TCF7L2: variants seen among roughly 807,000 people sequenced by gnomAD.
The protein encoded by TCF7L2 is transcription factor 7 like 2, also known as transcription factor 7-like 2.
A neutral mutation model predicts 77.9 loss-of-function variants in TCF7L2; 23 were observed. The observed-to-expected ratio is 0.30, with a 90% CI of 0.21 to 0.42. The LOEUF (loss-of-function observed/expected upper bound fraction) is 0.42. Ranked by LOEUF, TCF7L2 falls within the 10% of genes least tolerant of loss-of-function variation. The pLI is 1.00. For missense variants in TCF7L2, 654 were observed against 793.1 expected, an observed-to-expected ratio of 0.82 and a Z score of 2.11; for synonymous variants, 413 against 340.2, an observed-to-expected ratio of 1.21 and a Z score of -2.36.
chr10:112,979,222 T>G (rs966010533), intron 4 of TCF7L2, among the ~76,000 whole-genome samples: 2 of 152,144 alleles, frequency 1.3e-5, no homozygotes, highest in Non-Finnish European at 1.5e-5. Context: ...GCCAAGACAT[T>G]CATGGTTGTG....
At chr10:113,103,455 T>C (rs1268996079) in intron 5 of TCF7L2, among the ~76,000 whole-genome samples, 2 of 152,186 alleles carry the variant, frequency 1.3e-5, no homozygotes, top group Non-Finnish European at 2.9e-5. Context: ...AAAAATTGCT[T>C]GGATCCCGCG....
At chr10:113,045,628 A>G (rs1000006717) in intron 5 of TCF7L2, among the ~76,000 whole-genome samples, 11 of 152,088 alleles carry the variant, frequency 7.2e-5, no homozygotes, top group African/African-American at 2.4e-4. Context: ...GACTGCTGCA[A>G]AGGGCTCATT....
intron 5 of TCF7L2, among the ~76,000 whole-genome samples, chr10:113,075,545 T>C (rs2058601536): frequency 1.3e-5 from 2 of 152,162 alleles, no homozygotes; most frequent in South Asian, 4.1e-4. Flanking sequence ...ATGTTGCCAA[T>C]TACTTTATGT....
At chr10:113,006,798 A>G (rs1368449467) in intron 4 of TCF7L2, among the ~76,000 whole-genome samples, 1 of 152,188 alleles carries the variant, frequency 6.6e-6, no homozygotes, top group African/African-American at 2.4e-5. Flanking sequence ...CTGTGGGGCA[A>G]AGCCCAGGAC....
At position 113,151,526 on chromosome 10, in the gene TCF7L2, CA is replaced by C. The variant is rs1164673895; in HGVS notation, c.1002-195del. ...TTTGTGAAACTTGAGGAAGTGATTG[CA>C]AAATCCCTCTCTTCCCCCAACCCCT... On this transcript the variant is annotated intron_variant, in intron 9 of 13. Transcript: ENST00000627217. This position sits in a 1 kb window ranked among gnomAD's most constrained non-coding sequence, Gnocchi z 5.2. Among the ~76,000 whole-genome samples, 1 of 152,116 alleles carries C rather than the reference CA, an allele frequency of 6.6e-6. No individual in the cohort carries two copies. Among genetic ancestry groups the C allele is most frequent in the East Asian group, 1.9e-4 (1 of 5,182 alleles).
At chr10:113,080,216 G>T (rs376879159) in intron 5 of TCF7L2, among the ~76,000 whole-genome samples, 1 of 151,818 alleles carries the variant, frequency 6.6e-6, no homozygotes, top group Non-Finnish European at 1.5e-5. Context: ...TTTGGGTGGC[G>T]CAAGAGATAA....
chr10:113,151,615 C>A lies in TCF7L2; in HGVS notation c.1002-110C>A. On this transcript the variant is annotated intron_variant, in intron 9 of 13. Coordinates refer to ENST00000627217, the MANE Select transcript of TCF7L2 (RefSeq NM_001146274.2). The surrounding 1 kb of genome is among the most constrained non-coding windows in gnomAD (Gnocchi z 5.2). ...AGAACTAAAAGCATGCTTTTTAATC[C>A]AAAACTGCTAGGCTTGGGGGTTATG... 1 of 1,372,658 alleles carries A rather than the reference C, an allele frequency of 7.3e-7. No individual in the cohort carries two copies. The highest frequency in any genetic ancestry group is 9.6e-7 in the Non-Finnish European group (1 of 1,037,492). 85.0% of individuals were successfully genotyped at this position (1,372,658 alleles called of 1,614,324 possible). A position where few individuals can be genotyped will look rare whatever the true frequency, so the allele number is the denominator to read the frequency against.
intron 5 of TCF7L2, among the ~76,000 whole-genome samples, chr10:113,063,949 C>G (rs898514049): frequency 2.7e-5 from 4 of 149,644 alleles, no homozygotes; most frequent in Non-Finnish European, 4.4e-5. Flanking sequence ...GATGATGTGT[C>G]GTCATCCAAG....
At chr10:113,062,980 A>G (rs7085989) in intron 5 of TCF7L2, among the ~76,000 whole-genome samples, 77,384 of 152,042 alleles carry the variant, frequency 0.51, 22,315 homozygotes, top group African/African-American at 0.77. Flanking sequence ...GGGACTGTGC[A>G]TCAGGTCTCT....
chr10:113,153,588 C>T (rs997982596), intron 11 of TCF7L2, among the ~76,000 whole-genome samples: 4 of 152,186 alleles, frequency 2.6e-5, no homozygotes, highest in Non-Finnish European at 5.9e-5. Context: ...GCTTCTGTGG[C>T]AGGGGCTGGG....
At chr10:113,000,763 G>C (rs974721524) in intron 4 of TCF7L2, among the ~76,000 whole-genome samples, 1 of 152,142 alleles carries the variant, frequency 6.6e-6, no homozygotes. Flanking sequence ...GTGAGATATG[G>C]ATACCCTAGG....
chr10:113,085,769 G>C (rs2059774852), intron 5 of TCF7L2, among the ~76,000 whole-genome samples: 2 of 152,192 alleles, frequency 1.3e-5, no homozygotes, highest in South Asian at 4.1e-4. Flanking sequence ...ACTTGATCCA[G>C]CCTCATAACT....
At chr10:113,113,702 G>A (rs908017071) in intron 5 of TCF7L2, among the ~76,000 whole-genome samples, 4 of 152,002 alleles carry the variant, frequency 2.6e-5, no homozygotes, top group Admixed American at 2.6e-4. Flanking sequence ...AGTTTTCCTG[G>A]GCTCCTCACC....
intron 4 of TCF7L2, among the ~76,000 whole-genome samples, chr10:113,021,744 G>A (rs1307200643): frequency 6.6e-6 from 1 of 152,252 alleles, no homozygotes; most frequent in Non-Finnish European, 1.5e-5. Context: ...CTCCACGTGT[G>A]TGTGTTCTGG....
chr10:113,018,508 C>T (rs921037234), intron 4 of TCF7L2, among the ~76,000 whole-genome samples: 3 of 136,440 alleles, frequency 2.2e-5, no homozygotes, highest in South Asian at 4.7e-4. Context: ...AGTGCAGTGA[C>T]GCGGTCTCGG....
chr10:113,101,056 CAA>C (rs978796637), intron 5 of TCF7L2, among the ~76,000 whole-genome samples: 12 of 152,084 alleles, frequency 7.9e-5, no homozygotes, highest in African/African-American at 1.4e-4. Flanking sequence ...GGCTGAGTGA[CAA>C]GAGCGAAACT....
At chr10:113,149,506 T>C (rs893741617) in intron 8 of TCF7L2, among the ~76,000 whole-genome samples, 3 of 152,262 alleles carry the variant, frequency 2.0e-5, no homozygotes, top group African/African-American at 4.8e-5. Context: ...TTCCTTCCTC[T>C]GTTGATCTGT....
chr10:113,008,339 C>T (rs1265444528), intron 4 of TCF7L2, among the ~76,000 whole-genome samples: 1 of 152,292 alleles, frequency 6.6e-6, no homozygotes, highest in Non-Finnish European at 1.5e-5. Context: ...TGTCCAGCAT[C>T]GTGAAGCTGC....
intron 5 of TCF7L2, among the ~76,000 whole-genome samples, chr10:113,121,007 T>C (rs931266442): frequency 5.3e-5 from 8 of 152,156 alleles, no homozygotes; most frequent in African/African-American, 1.9e-4. Flanking sequence ...TAAGGAGTAT[T>C]GTAGACAAAA....
Sources: allele counts gnomAD v4.1 joint callset (sites outside exome capture counted in the v4.1 genomes callset), GRCh38; gene constraint gnomAD v4.1.1; non-coding constraint Gnocchi (gnomAD v3.1); transcripts MANE v1.5; gene names NCBI Gene and HGNC (gene_info 2026-07-23, HGNC 2026-07-21).